Variants in HIKESHI observed in about 807,000 individuals in gnomAD.
The protein encoded by HIKESHI is protein Hikeshi.
Under a neutral mutation model 25.7 loss-of-function variants are expected in HIKESHI, and 13 were observed. That is an observed-to-expected ratio of 0.51 (90% CI 0.33 to 0.80). The LOEUF is 0.80. Among genes scored for constraint, HIKESHI ranks in the 30% least tolerant of loss-of-function variants. HIKESHI has a pLI of 0.02. For synonymous variants in HIKESHI, 76 were observed against 78.7 expected, an observed-to-expected ratio of 0.97 and a Z score of 0.18; for missense variants, 174 against 229.5, an observed-to-expected ratio of 0.76 and a Z score of 1.56.
At chr11:86,310,190 A>G (rs921035966) in intron 2 of HIKESHI, among the ~76,000 whole-genome samples, 12 of 147,714 alleles carry the variant, frequency 8.1e-5, no homozygotes, top group African/African-American at 2.3e-4. Flanking sequence ...GATTCGTCCT[A>G]TCCATGAGCA....
intron 3 of HIKESHI, chr11:86,344,192 G>C (rs1379288429): frequency 1.3e-5 from 2 of 153,544 alleles, no homozygotes; most frequent in Admixed American, 6.5e-5. Flanking sequence ...TAATTGAGGA[G>C]GGACATAGTG....
intron 2 of HIKESHI, among the ~76,000 whole-genome samples, chr11:86,313,046 G>A (rs895935580): frequency 6.6e-5 from 10 of 151,848 alleles, no homozygotes; most frequent in East Asian, 1.9e-4. Context: ...TTGGAGTTGC[G>A]CTTCTCGAGG....
At chr11:86,337,639 C>T (rs1308799106) in intron 3 of HIKESHI, 109 bp downstream of exon 3, 7 of 1,165,852 alleles carry the variant, frequency 6.0e-6, no homozygotes, top group Non-Finnish European at 8.3e-6. Context: ...GTTTTTGATA[C>T]ATGTTTACAT....
intron 3 of HIKESHI, among the ~76,000 whole-genome samples, chr11:86,339,136 C>A (rs534588610): frequency 6.6e-5 from 10 of 152,320 alleles, no homozygotes; most frequent in African/African-American, 2.2e-4. Flanking sequence ...AGCTCCGCCT[C>A]CTGGGTTCAC....
At chr11:86,342,723 A>ATTTTTTTTT (rs57183083) in intron 3 of HIKESHI, among the ~76,000 whole-genome samples, 1 of 148,882 alleles carries the variant, frequency 6.7e-6, no homozygotes. Context: ...AATTTGTCCC[A>ATTTTTTTTT]TTTTTTTTTT....
chr11:86,314,820 G>A (rs540835348), intron 2 of HIKESHI, among the ~76,000 whole-genome samples: 2 of 152,254 alleles, frequency 1.3e-5, no homozygotes, highest in Admixed American at 1.3e-4. Flanking sequence ...GCTCCTTCCT[G>A]ATCTGCAGTG....
In HIKESHI at chr11:86,316,726, CAAAAT is replaced by C. The variant is rs1169690699; in HGVS notation, c.268+10247_268+10251del. ...GATTTTTTTATTTAAAGGCAGCAAA[CAAAAT>C]AATTATGTTGCTGTTTATGAGTAAT... On this transcript the variant is annotated intron_variant, in intron 2 of 4. Transcript: ENST00000278483. Among the ~76,000 whole-genome samples, 21 of 129,204 alleles carry C rather than the reference CAAAAT, an allele frequency of 1.6e-4. 1 individual carries two copies. The highest frequency in any genetic ancestry group is 5.6e-4 in the African/African-American group (19 of 33,740). 84.8% of individuals were successfully genotyped at this position (129,204 alleles called of 152,430 possible).
In HIKESHI at chr11:86,324,212, C is replaced by G. The variant is rs1358413655; in HGVS notation, c.269-13167C>G. 2.6e-5 allele frequency: 4 copies of G among 152,272 alleles called. No individual in the cohort carries two copies. The South Asian group carries it at 6.2e-4, about 24-fold the overall frequency. 9.4% of individuals were successfully genotyped at this position (152,272 alleles called of 1,614,324 possible). A position where few individuals can be genotyped will look rare whatever the true frequency, so the allele number is the denominator to read the frequency against. On this transcript the variant is annotated intron_variant, in intron 2 of 4. Transcript: ENST00000278483. ...AAACTTAGTGTGGACACCCAACCAG[C>G]GTAGTGCACTACAACCTAGAACTCC...
At chr11:86,332,644 A>T (rs1366429037) in intron 2 of HIKESHI, among the ~76,000 whole-genome samples, 1 of 152,352 alleles carries the variant, frequency 6.6e-6, no homozygotes, top group East Asian at 1.9e-4. Context: ...TACTTACAAA[A>T]AGGGGGCTAA....
chr11:86,343,169 C>T (rs539081634), intron 3 of HIKESHI, among the ~76,000 whole-genome samples: 1 of 152,070 alleles, frequency 6.6e-6, no homozygotes, highest in African/African-American at 2.4e-5. Context: ...TAATATTTTC[C>T]ACAAAAATCT....
At chr11:86,320,861 T>G (rs1051052168) in intron 2 of HIKESHI, among the ~76,000 whole-genome samples, 1 of 152,166 alleles carries the variant, frequency 6.6e-6, no homozygotes, top group African/African-American at 2.4e-5. Context: ...CTTTTTTTTG[T>G]CTGGCTTTTT....
intron 2 of HIKESHI, among the ~76,000 whole-genome samples, chr11:86,319,435 T>C (rs1947095604): frequency 6.7e-6 from 1 of 149,536 alleles, no homozygotes; most frequent in Non-Finnish European, 1.5e-5. Flanking sequence ...TTGTTTTTTG[T>C]TTGTAGAGAT....
chr11:86,306,384 C>G lies in HIKESHI; in HGVS notation c.170C>G (p.Ser57Cys). ...GGAATGGGAGGATCTGTCTACTTTT[C>G]TTATCCTGATTCAAATGGAATGCCA... Reference protein sequence around the residue: ...PEGMGGSVYFSYPDSNGMPVW... With the variant: ...PEGMGGSVYFCYPDSNGMPVW... Residue 57 changes from serine (S) to cysteine (C), a missense_variant, in exon 2 of 5, where the codon TCT (serine) becomes TGT (cysteine). By Grantham distance (112) the Ser-to-Cys change is moderately radical. Coordinates refer to ENST00000278483, the MANE Select transcript of HIKESHI (RefSeq NM_016401.4). 6.2e-7 allele frequency: 1 copy of G among 1,614,012 alleles called. No homozygotes were observed. Among genetic ancestry groups the G allele is most frequent in the Non-Finnish European group, 8.5e-7 (1 of 1,179,888 alleles).
chr11:86,339,219 T>G (rs1182896240), intron 3 of HIKESHI, among the ~76,000 whole-genome samples: 1 of 151,848 alleles, frequency 6.6e-6, no homozygotes, highest in African/African-American at 2.4e-5. Context: ...CTAATTTTTT[T>G]TGTATTTTTT....
At chr11:86,339,078 C>A (rs905960603) in intron 3 of HIKESHI, among the ~76,000 whole-genome samples, 1 of 152,272 alleles carries the variant, frequency 6.6e-6, no homozygotes, top group Non-Finnish European at 1.5e-5. Context: ...CGGAGTCTCA[C>A]TCTGTCGCCC....
chr11:86,330,162 T>C (rs1196791321), intron 2 of HIKESHI, among the ~76,000 whole-genome samples: 1 of 152,186 alleles, frequency 6.6e-6, no homozygotes, highest in Non-Finnish European at 1.5e-5. Context: ...GATTACAATA[T>C]ACATTGTTAA....
At chr11:86,329,816 CT>C (rs1260261776) in intron 2 of HIKESHI, among the ~76,000 whole-genome samples, 1 of 151,974 alleles carries the variant, frequency 6.6e-6, no homozygotes, top group Admixed American at 6.5e-5. Context: ...GCTTCTCCAG[CT>C]TTCTTATAGT....
intron 2 of HIKESHI, among the ~76,000 whole-genome samples, chr11:86,337,110 C>T (rs1947585021): frequency 6.6e-6 from 1 of 152,168 alleles, no homozygotes; most frequent in Admixed American, 6.5e-5. Flanking sequence ...TTTTCCCACA[C>T]TCTGTTACTG....
intron 2 of HIKESHI, among the ~76,000 whole-genome samples, chr11:86,318,230 G>A (rs1258193940): frequency 1.4e-5 from 2 of 143,140 alleles, no homozygotes; most frequent in African/African-American, 5.3e-5. Context: ...CGTGAACCCG[G>A]GAGACGGAGC....
Sources: allele counts gnomAD v4.1 joint callset (sites outside exome capture counted in the v4.1 genomes callset), GRCh38; gene constraint gnomAD v4.1.1; transcripts MANE v1.5; gene names NCBI Gene and HGNC (gene_info 2026-07-23, HGNC 2026-07-21).